The following CELA3B variants were observed in gnomAD, a reference collection of about 807,000 sequenced individuals.
CELA3B encodes chymotrypsin like elastase 3B.
Under a neutral mutation model 37.2 loss-of-function variants are expected in CELA3B, and 34 were observed. The observed-to-expected ratio is 0.91, with a 90% CI of 0.70 to 1.22. The LOEUF is 1.22. Ranked by LOEUF, CELA3B falls within the 50% of genes most tolerant of loss-of-function variation. The pLI is 0.00. For synonymous variants in CELA3B, 127 were observed against 143.5 expected, an observed-to-expected ratio of 0.89 and a Z score of 0.82; for missense variants, 340 against 363.1, an observed-to-expected ratio of 0.94 and a Z score of 0.52.
chr1:21,977,164 A>G, intron 1 of CELA3B, 82 bp downstream of exon 1: 2 of 1,587,726 alleles, frequency 1.3e-6, no homozygotes, highest in South Asian at 2.2e-5. Flanking sequence ...TCTAAGTCCC[A>G]TGACACCCTA....
At chr1:21,989,620 A>G (rs930648935), downstream of CELA3B, among the ~76,000 whole-genome samples, 1 of 149,752 alleles carries the variant, frequency 6.7e-6, no homozygotes, top group Non-Finnish European at 1.5e-5. Context: ...CTTAGTATAT[A>G]GTCGCACATA....
intron 6 of CELA3B, among the ~76,000 whole-genome samples, chr1:21,984,559 T>A (rs907325908): frequency 6.6e-6 from 1 of 151,962 alleles, no homozygotes; most frequent in Non-Finnish European, 1.5e-5. Flanking sequence ...TTGGGACAAG[T>A]CACTGTGTCT....
In CELA3B at chr1:21,980,975, G is replaced by T. The variant is rs1280863040; in HGVS notation, c.227+54G>T. 25 of 1,614,006 alleles carry T rather than the reference G, an allele frequency of 1.5e-5. No homozygotes were observed. In the African/African-American group the frequency reaches 2.8e-4, roughly 18 times the overall value. On this transcript the variant is annotated intron_variant, in intron 3 of 7. Coordinates refer to ENST00000337107, the MANE Select transcript of CELA3B (RefSeq NM_007352.4). Reference sequence around the variant, plus strand: ...GGCCCCGGGCAGCTGGGGAGGGTGGGTGATGATGGGGAAGGAGGGAGGTAG... The same window carrying T: ...GGCCCCGGGCAGCTGGGGAGGGTGGTTGATGATGGGGAAGGAGGGAGGTAG...
intron 2 of CELA3B, among the ~76,000 whole-genome samples, chr1:21,978,863 C>A (rs1393358434): frequency 2.0e-5 from 3 of 151,722 alleles, no homozygotes; most frequent in Non-Finnish European, 4.4e-5. Flanking sequence ...GAAGGCTGGA[C>A]TTGATGTGCT....
Position 21,980,882 on chromosome 1 carries a change from T to C in CELA3B, c.188T>C (p.Ile63Thr). ...TACCACACCTGTGGCGGTAGCCTCA[T>C]CGCCCCCGACTGGGTTGTGACTGCC... The part of the protein sequence containing the change: ...SFYHTCGGSL[I>T]APDWVVTAGH... Residue 63 changes from isoleucine (I) to threonine (T), a missense_variant, in exon 3 of 8, where the codon ATC becomes ACC. Transcript: ENST00000337107. 1 of 1,612,524 alleles carries C rather than the reference T, an allele frequency of 6.2e-7. No homozygotes were observed. The highest frequency in any genetic ancestry group is 8.5e-7 in the Non-Finnish European group (1 of 1,179,536).
chr1:21,992,278 C>G (rs943131920), downstream of CELA3B, among the ~76,000 whole-genome samples: 1 of 151,428 alleles, frequency 6.6e-6, no homozygotes, highest in South Asian at 2.1e-4. Context: ...CTATAGTCCC[C>G]GCTACTCAGG....
intron 1 of CELA3B, chr1:21,977,946 C>T: frequency 5.7e-6 from 2 of 350,082 alleles, no homozygotes; most frequent in South Asian, 2.1e-5. Context: ...CGGGCTCAAG[C>T]GATCCTCCCG....
At chr1:21,979,823 T>C (rs1298398610) in intron 2 of CELA3B, among the ~76,000 whole-genome samples, 3 of 146,106 alleles carry the variant, frequency 2.1e-5, no homozygotes, top group Admixed American at 7.1e-5. Context: ...AGCAAAGATA[T>C]AGAACATTCC....
chr1:21,990,106 A>G (rs1424915871), downstream of CELA3B, among the ~76,000 whole-genome samples: 1 of 149,426 alleles, frequency 6.7e-6, no homozygotes, highest in African/African-American at 2.5e-5. Flanking sequence ...AGATCTGGCG[A>G]GAACTCACTC....
chr1:21,984,583 G>A (rs1644827081), intron 6 of CELA3B, among the ~76,000 whole-genome samples: 1 of 152,042 alleles, frequency 6.6e-6, no homozygotes, highest in African/African-American at 2.4e-5. Flanking sequence ...TGGTCCTCAG[G>A]CTTCCGCATC....
Position 21,984,284 on chromosome 1 carries a change from A to T in CELA3B, c.595A>T (p.Lys199Ter). The T allele has an allele frequency of 6.2e-6, 10 of 1,614,114 alleles. 1 individual carries two copies. Among genetic ancestry groups the T allele is most frequent in the Non-Finnish European group, 8.5e-6 (10 of 1,180,010 alleles). Reference sequence around the variant, plus strand: ...GTGGAACTGGTGGGGTTCCTCCGTGAAGAAGACCATGGTGTGTGCTGGAGG... The same window carrying T: ...GTGGAACTGGTGGGGTTCCTCCGTGTAGAAGACCATGGTGTGTGCTGGAGG... ...SRWNWWGSSV[K>*]KTMVCAGGDI... The change falls in exon 6 of 8, where the codon AAG becomes TAG. Residue 199 changes from lysine (K) to a stop codon, truncating the protein, a stop_gained. Coordinates refer to ENST00000337107, the MANE Select transcript of CELA3B (RefSeq NM_007352.4). LOFTEE classifies it high-confidence loss of function.
chr1:21,983,393 G>A (rs1473287016), intron 4 of CELA3B, among the ~76,000 whole-genome samples: 6 of 151,418 alleles, frequency 4.0e-5, no homozygotes, highest in African/African-American at 2.4e-5. Context: ...CCTTAAGAAC[G>A]ATTTGGGCCA....
chr1:21,981,131 C>A lies in CELA3B; in HGVS notation c.321C>A (p.Leu107=). Residue 107 remains leucine, a synonymous_variant, in exon 4 of 8, where the codon CTC becomes CTA. Coordinates refer to ENST00000337107, the MANE Select transcript of CELA3B (RefSeq NM_007352.4). Reference sequence around the variant, plus strand: ...TGATCCCCATCAACTCTGGGGACCTCTTTGTGCATCCACTCTGGAACCGCT... The same window carrying A: ...TGATCCCCATCAACTCTGGGGACCTATTTGTGCATCCACTCTGGAACCGCT... ...EQVIPINSGD[L]FVHPLWNRSC... The A allele has an allele frequency of 1.2e-6, 2 of 1,612,816 alleles. No individual in the cohort carries two copies. The highest frequency in any genetic ancestry group is 1.7e-6 in the Non-Finnish European group (2 of 1,180,020).
intron 4 of CELA3B, among the ~76,000 whole-genome samples, chr1:21,981,940 T>C (rs1455040756): frequency 2.0e-5 from 3 of 152,100 alleles, no homozygotes; most frequent in Non-Finnish European, 2.9e-5. Context: ...TTAGCCAGGA[T>C]GATCTCGATC....
chr1:21,977,117 T>C, intron 1 of CELA3B, 35 bp downstream of exon 1: 1 of 1,613,966 alleles, frequency 6.2e-7, no homozygotes. Flanking sequence ...CTCCCTGGGC[T>C]GCCCTAGATT....
rs188438439 is a variant in CELA3B, at chr1:21,986,640, C to A, written c.752C>A (p.Thr251Lys). Reference protein sequence around the residue: ...AFGCNTRRKPTVFTRVSAFID... With the variant: ...AFGCNTRRKPKVFTRVSAFID... ...GGCTGCAACACCCGCAGGAAGCCCA[C>A]GGTGTTCACTCGAGTCTCCGCCTTC... The change falls in exon 7 of 8, where the codon ACG becomes AAG. Residue 251 changes from threonine to lysine, a missense_variant. Transcript: ENST00000337107. 1.2e-6 allele frequency: 2 copies of A among 1,613,946 alleles called. No homozygotes were observed. Among genetic ancestry groups the A allele is most frequent in the Non-Finnish European group, 1.7e-6 (2 of 1,180,004 alleles).
chr1:21,995,397 C>G (rs1274979352), intron 4 of CELA3B, among the ~76,000 whole-genome samples: 1 of 151,072 alleles, frequency 6.6e-6, no homozygotes, highest in Admixed American at 6.6e-5. Flanking sequence ...CTCGGCCTCA[C>G]AAAGTGCTAG....
At chr1:21,985,763 C>T (rs1333080685) in intron 6 of CELA3B, among the ~76,000 whole-genome samples, 5 of 151,992 alleles carry the variant, frequency 3.3e-5, no homozygotes, top group Admixed American at 1.3e-4. Flanking sequence ...TGGTGGTGGG[C>T]GCCTGTAGTC....
At chr1:21,994,863 G>A (rs1348820617) in intron 4 of CELA3B, among the ~76,000 whole-genome samples, 7 of 150,230 alleles carry the variant, frequency 4.7e-5, no homozygotes, top group Admixed American at 2.0e-4. Flanking sequence ...TTAGCTGGGC[G>A]TGGTGGTGCG....
Sources: allele counts gnomAD v4.1 joint callset (sites outside exome capture counted in the v4.1 genomes callset), GRCh38; gene constraint gnomAD v4.1.1; transcripts MANE v1.5; gene names NCBI Gene and HGNC (gene_info 2026-07-23, HGNC 2026-07-21).